Variants in SEMA5A observed in about 807,000 individuals in gnomAD.
SEMA5A encodes semaphorin-5A.
A neutral mutation model predicts 135.5 loss-of-function variants in SEMA5A; 55 were observed. The ratio of observed to expected loss-of-function variants is 0.41; its 90% CI spans 0.33 to 0.51. The LOEUF (loss-of-function observed/expected upper bound fraction) is 0.51, where lower values mean the gene tolerates loss of function less well. SEMA5A is among the 20% of genes least tolerant of loss of function. The pLI, the probability that SEMA5A is intolerant of heterozygous loss-of-function variation, is 0.37. For missense variants in SEMA5A, 1,290 were observed against 1,419.9 expected (o/e 0.91, Z 1.47); for synonymous variants, 580 against 546.5 (o/e 1.06, Z -0.85).
rs955159719 is a variant in SEMA5A, at chr5:9,042,592, G to T, written c.*305C>A. The stretch of plus-strand genomic sequence containing the variant: ...AAGAAAGACTCCTTCCAATGTGGGT[G>T]GCACATTTATAAAATAATGCTCAAA... On this transcript the variant is annotated 3_prime_UTR_variant, in exon 23 of 23. Coordinates refer to ENST00000382496, the MANE Select transcript of SEMA5A (RefSeq NM_003966.3). The T allele has an allele frequency of 3.0e-6, 1 of 332,172 alleles. No homozygotes were observed. Among genetic ancestry groups the T allele is most frequent in the Non-Finnish European group, 5.6e-6 (1 of 179,890 alleles). 20.6% of individuals were successfully genotyped at this position (332,172 alleles called of 1,614,324 possible).
chr5:9,270,567 A>C (rs557274273), intron 5 of SEMA5A, among the ~76,000 whole-genome samples: 1 of 152,070 alleles, frequency 6.6e-6, no homozygotes, highest in Non-Finnish European at 1.5e-5. Flanking sequence ...AGCGGGGGAA[A>C]GTCGAGTCTG....
intron 1 of SEMA5A, among the ~76,000 whole-genome samples, chr5:9,461,610 T>C (rs1320970717): frequency 2.0e-5 from 3 of 152,164 alleles, no homozygotes; most frequent in Non-Finnish European, 4.4e-5. Context: ...CAGGAACACC[T>C]GCTCAGAAAC....
At chr5:9,510,396 T>C (rs1290809120) in intron 1 of SEMA5A, among the ~76,000 whole-genome samples, 7 of 152,258 alleles carry the variant, frequency 4.6e-5, no homozygotes, top group Non-Finnish European at 1.0e-4. Context: ...GGCAACTTCA[T>C]GTAATTCATA....
At chr5:9,265,017 T>C (rs1023936023) in intron 5 of SEMA5A, among the ~76,000 whole-genome samples, 2 of 152,164 alleles carry the variant, frequency 1.3e-5, no homozygotes, top group Non-Finnish European at 2.9e-5. Flanking sequence ...AATCTTACTT[T>C]GGGAGCCTTC....
At chr5:9,353,098 G>GAAAGGA (rs1378151075) in intron 3 of SEMA5A, among the ~76,000 whole-genome samples, 934 of 21,768 alleles carry the variant, frequency 0.043, 225 homozygotes, top group Middle Eastern at 0.14. Flanking sequence ...GGAAAGGAAG[G>GAAAGGA]AAGGAAAGGA....
chr5:9,369,378 G>T (rs1174094609), intron 3 of SEMA5A, among the ~76,000 whole-genome samples: 2 of 151,950 alleles, frequency 1.3e-5, no homozygotes, highest in African/African-American at 4.8e-5. Context: ...CAAATTTTCT[G>T]GTATGTGCTT....
At chr5:9,225,979 T>C (rs1747287895) in intron 7 of SEMA5A, among the ~76,000 whole-genome samples, 2 of 152,160 alleles carry the variant, frequency 1.3e-5, no homozygotes, top group African/African-American at 2.4e-5. Context: ...CAGGTTCTTC[T>C]TTCATAAAAG....
At chr5:9,465,662 A>G (rs988976974) in intron 1 of SEMA5A, among the ~76,000 whole-genome samples, 2 of 152,214 alleles carry the variant, frequency 1.3e-5, no homozygotes, top group African/African-American at 4.8e-5. Context: ...CACAGGTTAT[A>G]TGGTAACACT....
At chr5:9,270,579 T>C (rs1311075648) in intron 5 of SEMA5A, among the ~76,000 whole-genome samples, 1 of 151,966 alleles carries the variant, frequency 6.6e-6, no homozygotes, top group Non-Finnish European at 1.5e-5. Context: ...TCGAGTCTGG[T>C]TGGAAACACA....
At chr5:9,139,397 T>A (rs577527702) in intron 12 of SEMA5A, among the ~76,000 whole-genome samples, 36 of 152,328 alleles carry the variant, frequency 2.4e-4, no homozygotes, top group African/African-American at 7.9e-4. Context: ...ACACACTGGA[T>A]GTTACCATAT....
chr5:9,090,079 T>C (rs912935488), intron 16 of SEMA5A, among the ~76,000 whole-genome samples: 1 of 152,164 alleles, frequency 6.6e-6, no homozygotes, highest in Non-Finnish European at 1.5e-5. Context: ...CTGTACAAGA[T>C]TGTACAGTCT....
In SEMA5A at chr5:9,354,506, C is replaced by T. The variant is rs551042154; in HGVS notation, c.125-16694G>A. On this transcript the variant is annotated intron_variant, in intron 3 of 22. Coordinates refer to ENST00000382496, the MANE Select transcript of SEMA5A (RefSeq NM_003966.3). ...GGTGAACTTTAATTATTTGCTTGAC[C>T]CCATTAATGTTTCTTCACTAGACCG... 2.6e-5 allele frequency among the ~76,000 whole-genome samples: 4 copies of T among 152,212 alleles called. No individual in the cohort carries two copies. In the South Asian group the frequency reaches 6.2e-4, roughly 24 times the overall value.
intron 16 of SEMA5A, among the ~76,000 whole-genome samples, chr5:9,071,514 A>G (rs1373957452): frequency 6.6e-6 from 1 of 152,226 alleles, no homozygotes; most frequent in Non-Finnish European, 1.5e-5. Context: ...GATAAATCAT[A>G]TTGATTAAGT....
At chr5:9,060,132 C>T (rs1737104104) in intron 18 of SEMA5A, among the ~76,000 whole-genome samples, 1 of 152,168 alleles carries the variant, frequency 6.6e-6, no homozygotes. Flanking sequence ...CCTGACTCAC[C>T]CACTGCCTAG....
At chr5:9,136,712 G>T (rs139162859) in intron 12 of SEMA5A, 91 bp from the exon 13 acceptor site, 3 of 1,040,388 alleles carry the variant, frequency 2.9e-6, no homozygotes, top group Admixed American at 1.7e-5. Context: ...TGGCAGAGAG[G>T]TATGGGATTT....
intron 12 of SEMA5A, among the ~76,000 whole-genome samples, chr5:9,149,670 A>T (rs1319121610): frequency 6.6e-6 from 1 of 152,100 alleles, no homozygotes. Flanking sequence ...GAATAAAAAG[A>T]GTCCAAATCA....
intron 12 of SEMA5A, among the ~76,000 whole-genome samples, chr5:9,145,626 T>C (rs753127385): frequency 1.8e-4 from 26 of 148,108 alleles, no homozygotes; most frequent in Non-Finnish European, 2.8e-4. Flanking sequence ...GTGGAGTAGA[T>C]ATTAAAGAAG....
At chr5:9,168,257 G>A (rs969648196) in intron 11 of SEMA5A, among the ~76,000 whole-genome samples, 4 of 152,164 alleles carry the variant, frequency 2.6e-5, no homozygotes, top group Admixed American at 6.5e-5. Flanking sequence ...CCCTGAGACC[G>A]TGATTTGGGA....
chr5:9,375,562 C>T (rs1339027966), intron 3 of SEMA5A, among the ~76,000 whole-genome samples: 1 of 149,592 alleles, frequency 6.7e-6, no homozygotes, highest in East Asian at 2.0e-4. Context: ...CTTCTGGCCT[C>T]CAGAACTGTA....
Sources: gnomAD v4.1 joint callset for allele counts (sites outside exome capture counted in the v4.1 genomes callset) on GRCh38, gnomAD v4.1.1 for gene constraint, MANE v1.5 for transcripts, NCBI Gene and HGNC (gene_info 2026-07-23, HGNC 2026-07-21) for gene names.